The following PADI4 variants were observed in gnomAD, a reference collection of about 807,000 sequenced individuals.
PADI4 encodes peptidyl arginine deiminase 4.
PADI4 carries 62 observed loss-of-function variants against 75.0 expected under a neutral mutation model. That is an observed-to-expected ratio of 0.83 (90% CI 0.67 to 1.02). The LOEUF (loss-of-function observed/expected upper bound fraction) is 1.02, where lower values mean the gene tolerates loss of function less well. Ranked by LOEUF, PADI4 falls within the 50% of genes least tolerant of loss-of-function variation. The probability of loss-of-function intolerance (pLI) is 0.00; values close to 1 mark genes in which losing one functional copy is unlikely to be tolerated. For missense variants in PADI4, 845 were observed against 850.5 expected (o/e 0.99, Z 0.08); for synonymous variants, 361 against 348.1 (o/e 1.04, Z -0.41).
At chr1:17,323,165 C>T (rs2074060158) in intron 1 of PADI4, among the ~76,000 whole-genome samples, 1 of 152,208 alleles carries the variant, frequency 6.6e-6, no homozygotes, top group Non-Finnish European at 1.5e-5. Flanking sequence ...GGCTGGAAGC[C>T]TCCCTCAGTT....
At chr1:17,337,449 A>G (rs954908913) in intron 4 of PADI4, among the ~76,000 whole-genome samples, 1 of 152,046 alleles carries the variant, frequency 6.6e-6, no homozygotes, top group Non-Finnish European at 1.5e-5. Context: ...CCCAGCCAAC[A>G]TTTCTTAAAA....
At chr1:17,310,942 C>T (rs2073812938) in intron 1 of PADI4, among the ~76,000 whole-genome samples, 1 of 152,058 alleles carries the variant, frequency 6.6e-6, no homozygotes, top group Non-Finnish European at 1.5e-5. Flanking sequence ...ACTAAAAATA[C>T]AAAAATTAGC....
intron 1 of PADI4, among the ~76,000 whole-genome samples, chr1:17,309,602 T>C (rs1178118987): frequency 6.6e-6 from 1 of 152,210 alleles, no homozygotes; most frequent in Non-Finnish European, 1.5e-5. Flanking sequence ...TTGTCAGGAA[T>C]AGGAGTGGTT....
Position 17,349,690 on chromosome 1 carries a change from G to A in PADI4, c.1155+1642G>A, listed in dbSNP as rs185764049. Among the ~76,000 whole-genome samples the A allele has an allele frequency of 8.8e-4, 57 of 64,616 alleles. 13 individuals are homozygous for A. The East Asian group carries it at 0.064, about 72-fold the overall frequency. 42.4% of individuals were successfully genotyped at this position (64,616 alleles called of 152,430 possible). A position where few individuals can be genotyped will look rare whatever the true frequency, so the allele number is the denominator to read the frequency against. On this transcript the variant is annotated intron_variant, in intron 10 of 15. Coordinates refer to ENST00000375448, the MANE Select transcript of PADI4 (RefSeq NM_012387.3). ...ACTGCACTCCAGCCTGGGTGACAGA[G>A]CAAGACTGTATCAAAAAAAAAAAAA...
chr1:17,321,710 T>C (rs2074034820), intron 1 of PADI4, among the ~76,000 whole-genome samples: 1 of 152,208 alleles, frequency 6.6e-6, no homozygotes, highest in Non-Finnish European at 1.5e-5. Flanking sequence ...TCCTGAAGGA[T>C]CAACATCAGA....
chr1:17,339,806 G>A lies in PADI4; in HGVS notation c.645G>A (p.Gln215=). ...RSEMDKVRVF[Q]ATRGKLSSKC... ...AGATGGACAAAGTGAGGGTGTTTCAGGCCACACGTAAGTCATCCCCATCTT... is the reference window on the plus strand; with the variant it reads ...AGATGGACAAAGTGAGGGTGTTTCAAGCCACACGTAAGTCATCCCCATCTT... The change falls in exon 6 of 16, where the codon CAG becomes CAA. Residue 215 remains glutamine, a synonymous_variant. Transcript: ENST00000375448. The A allele has an allele frequency of 6.2e-7, 1 of 1,604,948 alleles. No individual in the cohort carries two copies. Among genetic ancestry groups the A allele is most frequent in the Non-Finnish European group, 8.5e-7 (1 of 1,175,416 alleles).
intron 1 of PADI4, among the ~76,000 whole-genome samples, chr1:17,321,844 A>G (rs1259730886): frequency 6.6e-6 from 1 of 152,186 alleles, no homozygotes; most frequent in African/African-American, 2.4e-5. Flanking sequence ...TTCTCTGAAG[A>G]TGATTTTGAG....
At position 17,356,156 on chromosome 1, in the gene PADI4, C is replaced by A; in HGVS notation, c.1455+29C>A. On this transcript the variant is annotated intron_variant, in intron 12 of 15. Transcript: ENST00000375448. This position sits in a 1 kb window ranked among gnomAD's most constrained non-coding sequence, Gnocchi z 4.1. Reference sequence around the variant, plus strand: ...CAGTCTTGGGGGCTGCCTCAGGAAGCCATGCCTCCTTCCTGGGTAGACCCT... The same window carrying A: ...CAGTCTTGGGGGCTGCCTCAGGAAGACATGCCTCCTTCCTGGGTAGACCCT... The A allele has an allele frequency of 6.2e-7, 1 of 1,608,840 alleles. No individual in the cohort carries two copies. Among genetic ancestry groups the A allele is most frequent in the Non-Finnish European group, 8.5e-7 (1 of 1,176,204 alleles).
chr1:17,359,243 T>G (rs1266630734), intron 14 of PADI4, 37 bp from the exon 15 acceptor site: 1 of 289,700 alleles, frequency 3.5e-6, no homozygotes, highest in Non-Finnish European at 5.9e-6. Flanking sequence ...CCGACTGCCA[T>G]CAGTCCCCCA....
Position 17,356,776 on chromosome 1 carries a change from G to A in PADI4, c.1558+317G>A, listed in dbSNP as rs898257067. On this transcript the variant is annotated intron_variant, in intron 13 of 15. Transcript: ENST00000375448. This position sits in a 1 kb window ranked among gnomAD's most constrained non-coding sequence, Gnocchi z 4.1. Reference sequence around the variant, plus strand: ...AGCAGTAGCATGCAAGTAGGGGTTGGCTGGGCAAACGGGGCAGGGAAATGA... The same window carrying A: ...AGCAGTAGCATGCAAGTAGGGGTTGACTGGGCAAACGGGGCAGGGAAATGA... 2.0e-5 allele frequency among the ~76,000 whole-genome samples: 3 copies of A among 151,866 alleles called. No homozygotes were observed. The highest frequency in any genetic ancestry group is 7.3e-5 in the African/African-American group (3 of 41,338).
intron 8 of PADI4, among the ~76,000 whole-genome samples, chr1:17,344,890 A>T (rs1338094025): frequency 6.6e-6 from 1 of 152,238 alleles, no homozygotes; most frequent in East Asian, 1.9e-4. Context: ...CCCCACACAG[A>T]GTCCCTACTG....
chr1:17,352,807 C>T (rs1319197079), intron 10 of PADI4, among the ~76,000 whole-genome samples: 1 of 152,066 alleles, frequency 6.6e-6, no homozygotes, highest in Admixed American at 6.5e-5. Flanking sequence ...GTCAAGTGAG[C>T]GTGGATACAC....
chr1:17,334,545 T>G (rs1557555974), intron 3 of PADI4: 1 of 453,980 alleles, frequency 2.2e-6, no homozygotes, highest in Non-Finnish European at 4.4e-6. Flanking sequence ...TCAGGTGATC[T>G]GCCTGCCTCA....
chr1:17,309,768 G>A (rs999952567), intron 1 of PADI4, among the ~76,000 whole-genome samples: 2 of 152,242 alleles, frequency 1.3e-5, no homozygotes, highest in African/African-American at 4.8e-5. Flanking sequence ...GGTGGAGGCA[G>A]GAGACCAAGA....
chr1:17,339,381 G>C (rs2074373973), intron 5 of PADI4, among the ~76,000 whole-genome samples: 1 of 152,156 alleles, frequency 6.6e-6, no homozygotes, highest in South Asian at 2.1e-4. Context: ...CGGCTTTCTA[G>C]GTTCAAGATT....
At chr1:17,352,279 G>A (rs928666829) in intron 10 of PADI4, among the ~76,000 whole-genome samples, 7 of 151,494 alleles carry the variant, frequency 4.6e-5, no homozygotes, top group Non-Finnish European at 8.8e-5. Context: ...GGAGGAGATG[G>A]GGGGCAGTAG....
chr1:17,348,674 A>G (rs1211553574), intron 10 of PADI4: 1 of 152,196 alleles, frequency 6.6e-6, no homozygotes, highest in Non-Finnish European at 1.5e-5. Context: ...GCACTGACTC[A>G]TTTAATTTGA....
rs1289963678 is a variant in PADI4 at position 17,342,313 on chromosome 1, T to C, written c.846T>C (p.Ala282=). 1 of 1,612,468 alleles carries C rather than the reference T, an allele frequency of 6.2e-7. No homozygotes were observed. The highest frequency in any genetic ancestry group is 1.3e-5 in the African/African-American group (1 of 74,830). The change falls in exon 8 of 16, where the codon GCT becomes GCC. Residue 282 remains alanine, a synonymous_variant. Transcript: ENST00000375448. ...CTCCCCTGCAGGAGCTCCCCGAGGC[T>C]GTGGTGTTCCAAGACAGCGTGGTCT... is the stretch of plus-strand genomic sequence containing the variant. ...LDTSNLELPE[A]VVFQDSVVFR...
chr1:17,352,780 C>A (rs1471137315), intron 10 of PADI4, among the ~76,000 whole-genome samples: 5 of 152,142 alleles, frequency 3.3e-5, no homozygotes, highest in Non-Finnish European at 7.3e-5. Context: ...GACAATTGGT[C>A]AACATCCAAA....
Sources: gnomAD v4.1 joint callset for allele counts (sites outside exome capture counted in the v4.1 genomes callset) on GRCh38, gnomAD v4.1.1 for gene constraint, Gnocchi (gnomAD v3.1) non-coding constraint, MANE v1.5 for transcripts, NCBI Gene and HGNC (gene_info 2026-07-23, HGNC 2026-07-21) for gene names.